Variants in LOC128125817 observed in about 807,000 individuals in gnomAD.
At chr1:41,598,204 C>T in the LOC128125817 span, among the ~76,000 whole-genome samples, 13 of 152,198 alleles carry the variant, frequency 8.5e-5, no homozygotes, top group African/African-American at 3.1e-4. Flanking sequence ...CTCATCAACA[C>T]CGCCTAAGAG....
the LOC128125817 span, among the ~76,000 whole-genome samples, chr1:41,586,427 A>G: frequency 6.6e-6 from 1 of 152,172 alleles, no homozygotes; most frequent in Admixed American, 6.5e-5. Flanking sequence ...ACCTGGACCC[A>G]GGCCTCCCAT....
the LOC128125817 span, among the ~76,000 whole-genome samples, chr1:41,590,927 G>A: frequency 6.6e-6 from 1 of 152,104 alleles, no homozygotes; most frequent in African/African-American, 2.4e-5. Context: ...CTAACTGATG[G>A]TCCCCTAATC....
chr1:41,611,998 C>T, the LOC128125817 span, among the ~76,000 whole-genome samples: 1 of 152,038 alleles, frequency 6.6e-6, no homozygotes, highest in Non-Finnish European at 1.5e-5. Context: ...CTACAGGACC[C>T]AACCTCACCT....
At chr1:41,595,256 A>G in the LOC128125817 span, among the ~76,000 whole-genome samples, 4 of 152,196 alleles carry the variant, frequency 2.6e-5, no homozygotes, top group African/African-American at 9.7e-5. Context: ...CATTGTGGAA[A>G]GAGAAATCTC....
At chr1:41,588,484 G>A in the LOC128125817 span, among the ~76,000 whole-genome samples, 6,199 of 152,134 alleles carry the variant, frequency 0.041, 154 homozygotes, top group Middle Eastern at 0.082. Context: ...GTGGTGGAGC[G>A]CCCAGCAGCT....
At chr1:41,593,749 A>G in the LOC128125817 span, among the ~76,000 whole-genome samples, 2 of 152,264 alleles carry the variant, frequency 1.3e-5, no homozygotes, top group African/African-American at 4.8e-5. Flanking sequence ...GTAAGAAATT[A>G]CCACAAATTT....
At chr1:41,593,936 A>G in the LOC128125817 span, among the ~76,000 whole-genome samples, 6 of 152,144 alleles carry the variant, frequency 3.9e-5, no homozygotes, top group African/African-American at 1.2e-4. Flanking sequence ...TCCTTGGCTC[A>G]TGGAAGGCTC....
the LOC128125817 span, chr1:41,628,607 T>C: frequency 2.9e-6 from 2 of 678,052 alleles, no homozygotes; most frequent in South Asian, 7.9e-5. Context: ...TCACAACAAC[T>C]TTCACAGAGG....
chr1:41,590,339 G>A, the LOC128125817 span, among the ~76,000 whole-genome samples: 1 of 152,228 alleles, frequency 6.6e-6, no homozygotes, highest in South Asian at 2.1e-4. Flanking sequence ...AGGCCCCCAA[G>A]CTGGGTCTAT....
chr1:41,619,202 G>A, the LOC128125817 span, among the ~76,000 whole-genome samples: 22 of 151,380 alleles, frequency 1.5e-4, no homozygotes, highest in Admixed American at 5.9e-4. Context: ...TCTTGCCTCC[G>A]CCTGGAATAC....
the LOC128125817 span, among the ~76,000 whole-genome samples, chr1:41,609,062 TA>T: frequency 0.1 from 14,180 of 142,000 alleles, 703 homozygotes; most frequent in Middle Eastern, 0.18. Context: ...TCCGTCTCAA[TA>T]AAAAAAAAAA....
chr1:41,609,440 C>A, the LOC128125817 span, among the ~76,000 whole-genome samples: 1 of 152,210 alleles, frequency 6.6e-6, no homozygotes, highest in African/African-American at 2.4e-5. Flanking sequence ...CGTGTAGGCA[C>A]CTGGCAGGCT....
the LOC128125817 span, among the ~76,000 whole-genome samples, chr1:41,600,011 C>T: frequency 2.6e-5 from 4 of 152,022 alleles, no homozygotes; most frequent in Non-Finnish European, 4.4e-5. Flanking sequence ...ATCAAAACCA[C>T]GAAGATACCA....
At chr1:41,597,654 A>C in the LOC128125817 span, among the ~76,000 whole-genome samples, 6 of 152,218 alleles carry the variant, frequency 3.9e-5, no homozygotes, top group African/African-American at 1.4e-4. Context: ...CCCTCAAGGC[A>C]GCCAGGCCAC....
the LOC128125817 span, among the ~76,000 whole-genome samples, chr1:41,586,735 T>C: frequency 2.6e-5 from 4 of 152,228 alleles, no homozygotes; most frequent in African/African-American, 9.6e-5. Flanking sequence ...CACTGTGATA[T>C]GCTTTGGAGG....
the LOC128125817 span, among the ~76,000 whole-genome samples, chr1:41,614,006 A>G: frequency 1.3e-5 from 2 of 152,272 alleles, no homozygotes; most frequent in South Asian, 4.1e-4. Context: ...TTCTCACAGC[A>G]CCCTGACGCC....
At chr1:41,618,291 G>A in the LOC128125817 span, among the ~76,000 whole-genome samples, 10 of 152,338 alleles carry the variant, frequency 6.6e-5, no homozygotes, top group Admixed American at 2.6e-4. Flanking sequence ...ATGCAATGCC[G>A]GGCCAGGAGG....
At chr1:41,615,769 C>A in the LOC128125817 span, among the ~76,000 whole-genome samples, 2 of 149,276 alleles carry the variant, frequency 1.3e-5, no homozygotes, top group Non-Finnish European at 3.0e-5. Context: ...GAGAAAGGGA[C>A]CCACATTGTG....
the LOC128125817 span, among the ~76,000 whole-genome samples, chr1:41,587,645 G>A: frequency 7.2e-5 from 11 of 152,280 alleles, no homozygotes; most frequent in African/African-American, 1.9e-4. Flanking sequence ...AAGTTACACC[G>A]TGATCTTCTG....
Sources: allele counts gnomAD v4.1 joint callset (sites outside exome capture counted in the v4.1 genomes callset), GRCh38; gene constraint gnomAD v4.1.1; transcripts MANE v1.5.